The following SLC14A2 variants were observed in gnomAD, a reference collection of about 807,000 sequenced individuals.
SLC14A2 encodes urea transporter 2.
In SLC14A2, 91 loss-of-function variants were observed where a neutral mutation model predicts 104.6. The ratio of observed to expected loss-of-function variants is 0.87; its 90% CI spans 0.73 to 1.04. The LOEUF (loss-of-function observed/expected upper bound fraction) is 1.04. SLC14A2 is among the 50% of genes least tolerant of loss of function. The pLI is 0.00. For missense variants in SLC14A2, 1,189 were observed against 1,156.0 expected, an observed-to-expected ratio of 1.03 and a Z score of -0.41; for synonymous variants, 476 against 466.4, an observed-to-expected ratio of 1.02 and a Z score of -0.27.
chr18:45,285,146 G>A (rs768533600), intron 1 of SLC14A2, among the ~76,000 whole-genome samples: 1 of 152,152 alleles, frequency 6.6e-6, no homozygotes, highest in Non-Finnish European at 1.5e-5. Flanking sequence ...TTTTAAATGT[G>A]GAGGGTGATA....
At chr18:45,360,490 C>T (rs1405893259) in intron 1 of SLC14A2, among the ~76,000 whole-genome samples, 1 of 152,248 alleles carries the variant, frequency 6.6e-6, no homozygotes, top group African/African-American at 2.4e-5. Flanking sequence ...TCAAGCCACT[C>T]AGATCCTCAA....
At chr18:45,261,963 G>A (rs2144100747) in intron 1 of SLC14A2, among the ~76,000 whole-genome samples, 1 of 152,294 alleles carries the variant, frequency 6.6e-6, no homozygotes, top group Middle Eastern at 3.4e-3. Flanking sequence ...TCTAGTTCTA[G>A]ATCCCTGAGG....
At chr18:45,314,174 G>A (rs1413560827) in intron 1 of SLC14A2, among the ~76,000 whole-genome samples, 1 of 152,188 alleles carries the variant, frequency 6.6e-6, no homozygotes, top group African/African-American at 2.4e-5. Context: ...AAATCTTCTT[G>A]CCCTTGATCA....
At chr18:45,500,909 G>A (rs1215057023) in intron 2 of SLC14A2, among the ~76,000 whole-genome samples, 1 of 152,214 alleles carries the variant, frequency 6.6e-6, no homozygotes, top group Non-Finnish European at 1.5e-5. Flanking sequence ...CCTGGTCACT[G>A]TCAGATAAGA....
chr18:45,550,985 A>G (rs943161242), intron 2 of SLC14A2, among the ~76,000 whole-genome samples: 1 of 152,206 alleles, frequency 6.6e-6, no homozygotes, highest in Non-Finnish European at 1.5e-5. Flanking sequence ...GGAAGGCTTC[A>G]TGGAGGAGGT....
Position 45,597,769 on chromosome 18 carries a change from G to C in SLC14A2, c.-34-26862G>C, listed in dbSNP as rs1403340593. 2.6e-5 allele frequency among the ~76,000 whole-genome samples: 4 copies of C among 152,194 alleles called. No individual in the cohort carries two copies. In the East Asian group the frequency reaches 5.8e-4, roughly 22 times the overall value. ...GGCACAGGAGGATGCAGAGAGACTG[G>C]TCTGCAGCCTATTCACCTAATCCAG... On this transcript the variant is annotated intron_variant, in intron 2 of 20. Transcript: ENST00000586448.
In SLC14A2 at chr18:45,627,114, C is replaced by T. The variant is rs760368681; in HGVS notation, c.488C>T (p.Ser163Leu). 2.5e-6 allele frequency: 4 copies of T among 1,614,148 alleles called. No homozygotes were observed. The highest frequency in any genetic ancestry group is 2.7e-5 in the African/African-American group (2 of 75,048). ...TITGGLGTVV[S>L]TLTALALGQD... ...ACTGGGGGCCTGGGGACAGTGGTCTCGACCTTAACAGCTCTCGCCTTGGGC... is the reference window on the plus strand; with the variant it reads ...ACTGGGGGCCTGGGGACAGTGGTCTTGACCTTAACAGCTCTCGCCTTGGGC... The change falls in exon 4 of 20, where the codon TCG becomes TTG. Residue 163 changes from serine (S) to leucine (L), a missense_variant. Transcript: ENST00000255226.
intron 2 of SLC14A2, among the ~76,000 whole-genome samples, chr18:45,502,359 C>T (rs1181466836): frequency 1.3e-5 from 2 of 152,182 alleles, no homozygotes; most frequent in Admixed American, 1.3e-4. Context: ...ATAAGCTCCT[C>T]CAGGGCAGGG....
intron 2 of SLC14A2, among the ~76,000 whole-genome samples, chr18:45,565,128 C>CT (rs879652079): frequency 0.026 from 3,553 of 136,910 alleles, 132 homozygotes; most frequent in African/African-American, 0.092. Flanking sequence ...GCATGTGCTT[C>CT]TTTTTTTTTT....
chr18:45,464,229 A>G (rs1011204823), intron 1 of SLC14A2, among the ~76,000 whole-genome samples: 5 of 152,146 alleles, frequency 3.3e-5, no homozygotes, highest in African/African-American at 1.2e-4. Flanking sequence ...GCTACCAACT[A>G]ACTGTCTGAT....
intron 2 of SLC14A2, among the ~76,000 whole-genome samples, chr18:45,548,480 G>T (rs2044007175): frequency 1.3e-5 from 2 of 152,204 alleles, no homozygotes; most frequent in South Asian, 4.2e-4. Flanking sequence ...GAAGCAGGTG[G>T]ATTACTTGAG....
intron 2 of SLC14A2, among the ~76,000 whole-genome samples, chr18:45,496,537 G>A (rs1192689155): frequency 6.6e-6 from 1 of 152,236 alleles, no homozygotes; most frequent in African/African-American, 2.4e-5. Flanking sequence ...TTAGGAAGCT[G>A]AGGCAGGCAC....
At chr18:45,497,993 G>A (rs1456357287) in intron 2 of SLC14A2, among the ~76,000 whole-genome samples, 2 of 152,156 alleles carry the variant, frequency 1.3e-5, no homozygotes, top group African/African-American at 2.4e-5. Flanking sequence ...CATTGAAAAT[G>A]TTTCCTTCAT....
At chr18:45,475,633 TATATTTAGG>T (rs1264786504) in intron 1 of SLC14A2, among the ~76,000 whole-genome samples, 672 of 50,004 alleles carry the variant, frequency 0.013, 1 homozygote, top group Non-Finnish European at 0.022. Flanking sequence ...TATATATATA[TATATTTAGG>T]ATATATATAT....
At chr18:45,558,954 C>A (rs1403949191) in intron 2 of SLC14A2, among the ~76,000 whole-genome samples, 2 of 152,110 alleles carry the variant, frequency 1.3e-5, no homozygotes, top group Non-Finnish European at 2.9e-5. Context: ...CCACACCTGG[C>A]TAATTTTTTG....
At chr18:45,561,477 G>A (rs879824482) in intron 2 of SLC14A2, among the ~76,000 whole-genome samples, 4 of 152,188 alleles carry the variant, frequency 2.6e-5, no homozygotes, top group Non-Finnish European at 5.9e-5. Context: ...CACTGCAAAT[G>A]AGGCTGGGAA....
chr18:45,673,056 C>T lies in SLC14A2; in HGVS notation c.2377+9C>T. On this transcript the variant is annotated intron_variant, in intron 17 of 19. Coordinates refer to ENST00000255226, the MANE Select transcript of SLC14A2 (RefSeq NM_007163.4). ...CATGGGGATGCTAGCAGGTCTGTGTCCTCACTTCCCTGGGCTGTGAGGGGG... is the reference window on the plus strand; with the variant it reads ...CATGGGGATGCTAGCAGGTCTGTGTTCTCACTTCCCTGGGCTGTGAGGGGG... The T allele has an allele frequency of 1.2e-6, 2 of 1,613,120 alleles. No homozygotes were observed. Among genetic ancestry groups the T allele is most frequent in the East Asian group, 2.2e-5 (1 of 44,874 alleles).
At chr18:45,575,982 C>T (rs867177743) in intron 2 of SLC14A2, among the ~76,000 whole-genome samples, 37 of 152,178 alleles carry the variant, frequency 2.4e-4, no homozygotes, top group African/African-American at 8.4e-4. Context: ...CTTGCTCTAA[C>T]TTGAAGGATT....
chr18:45,290,032 T>C (rs2084854052), intron 1 of SLC14A2, among the ~76,000 whole-genome samples: 1 of 152,350 alleles, frequency 6.6e-6, no homozygotes, highest in Non-Finnish European at 1.5e-5. Flanking sequence ...ATCCCATCTG[T>C]GGCTCATCTT....
Sources: gnomAD v4.1 joint callset for allele counts (sites outside exome capture counted in the v4.1 genomes callset) on GRCh38, gnomAD v4.1.1 for gene constraint, MANE v1.5 for transcripts, NCBI Gene and HGNC (gene_info 2026-07-23, HGNC 2026-07-21) for gene names.